Variants in CTNNA2 observed in about 807,000 individuals in gnomAD.
CTNNA2 encodes catenin alpha-2.
In CTNNA2, 42 loss-of-function variants were observed where a neutral mutation model predicts 101.0. The observed-to-expected ratio is 0.42, with a 90% CI of 0.32 to 0.54. The LOEUF (loss-of-function observed/expected upper bound fraction) is 0.54. Among genes scored for constraint, CTNNA2 ranks in the 20% least tolerant of loss-of-function variants. The pLI is 0.14. For missense variants in CTNNA2, 871 were observed against 1,223.1 expected, an observed-to-expected ratio of 0.71 and a Z score of 4.29; for synonymous variants, 450 against 456.4, an observed-to-expected ratio of 0.99 and a Z score of 0.18.
intron 6 of CTNNA2, among the ~76,000 whole-genome samples, chr2:79,898,926 G>A (rs1216724401): frequency 6.6e-6 from 1 of 152,100 alleles, no homozygotes; most frequent in Non-Finnish European, 1.5e-5. Context: ...CTGAGAACAG[G>A]GAGCAGGGCC....
chr2:79,727,216 A>T (rs1686900694), intron 2 of CTNNA2, among the ~76,000 whole-genome samples: 1 of 152,250 alleles, frequency 6.6e-6, no homozygotes, highest in Admixed American at 6.5e-5. Flanking sequence ...AATTAAGCTA[A>T]TTTAGTGGTA....
intron 11 of CTNNA2, among the ~76,000 whole-genome samples, chr2:80,552,822 A>G (rs1268451209): frequency 6.6e-6 from 1 of 152,160 alleles, no homozygotes; most frequent in East Asian, 1.9e-4. Flanking sequence ...AAAATATGAC[A>G]TAATCTTATG....
At chr2:79,442,600 C>T (rs1008412242) in intron 4 of CTNNA2, among the ~76,000 whole-genome samples, 5 of 152,030 alleles carry the variant, frequency 3.3e-5, no homozygotes, top group African/African-American at 4.8e-5. Flanking sequence ...TATCACATGC[C>T]TTGAAAAGGG....
chr2:79,310,060 T>A (rs2104398935), intron 2 of CTNNA2, among the ~76,000 whole-genome samples: 1 of 152,316 alleles, frequency 6.6e-6, no homozygotes, highest in Admixed American at 6.5e-5. Context: ...ATGTTGGTAT[T>A]TTACTTTTCA....
intron 3 of CTNNA2, among the ~76,000 whole-genome samples, chr2:79,371,785 C>G (rs967711562): frequency 6.6e-6 from 1 of 152,138 alleles, no homozygotes; most frequent in Middle Eastern, 3.4e-3. Flanking sequence ...TCTATGACAC[C>G]CTTAATGATT....
chr2:80,533,410 G>C (rs2149599727), intron 9 of CTNNA2, among the ~76,000 whole-genome samples: 1 of 152,298 alleles, frequency 6.6e-6, no homozygotes, highest in South Asian at 2.1e-4. Flanking sequence ...GCGGGCTGTA[G>C]TCACAGATCC....
intron 9 of CTNNA2, among the ~76,000 whole-genome samples, chr2:80,449,820 C>A (rs1396420634): frequency 1.3e-5 from 2 of 152,068 alleles, no homozygotes; most frequent in African/African-American, 4.8e-5. Context: ...GGTGTGTAGC[C>A]AAGTACAAGG....
chr2:79,246,762 GA>G (rs1674705837), intron 2 of CTNNA2, among the ~76,000 whole-genome samples: 2 of 152,232 alleles, frequency 1.3e-5, no homozygotes, highest in African/African-American at 4.8e-5. Context: ...AGTGAGGAAA[GA>G]AATAACAATT....
intron 7 of CTNNA2, among the ~76,000 whole-genome samples, chr2:80,179,532 C>G (rs902520385): frequency 1.3e-5 from 2 of 152,228 alleles, no homozygotes; most frequent in Non-Finnish European, 2.9e-5. Context: ...CGCCACCACA[C>G]CGGGCTAATT....
chr2:80,039,603 G>A (rs961426477), intron 7 of CTNNA2, among the ~76,000 whole-genome samples: 3 of 152,314 alleles, frequency 2.0e-5, no homozygotes, highest in East Asian at 3.9e-4. Flanking sequence ...TCCAGTGGGG[G>A]TGGTTCTAAG....
At chr2:79,907,342 C>G (rs1574282070) in intron 6 of CTNNA2, among the ~76,000 whole-genome samples, 1 of 147,882 alleles carries the variant, frequency 6.8e-6, no homozygotes, top group Non-Finnish European at 1.5e-5. Flanking sequence ...TACACACACA[C>G]ACACACACAT....
intron 1 of CTNNA2, among the ~76,000 whole-genome samples, chr2:79,529,982 C>T (rs1249400638): frequency 1.3e-5 from 2 of 151,920 alleles, no homozygotes; most frequent in Non-Finnish European, 2.9e-5. Context: ...TCTCAGGAGC[C>T]ACTGGAGCTC....
At chr2:79,805,427 C>T (rs1051808459) in intron 3 of CTNNA2, among the ~76,000 whole-genome samples, 1 of 152,160 alleles carries the variant, frequency 6.6e-6, no homozygotes, top group African/African-American at 2.4e-5. Context: ...ATGCCTGTCA[C>T]ATGAGGTCAG....
chr2:79,800,659 T>C (rs1676085227), intron 3 of CTNNA2, among the ~76,000 whole-genome samples: 1 of 152,100 alleles, frequency 6.6e-6, no homozygotes, highest in Admixed American at 6.6e-5. Context: ...AGAGAGGGGC[T>C]CCAGCTCTAG....
At position 80,563,803 on chromosome 2, in the gene CTNNA2, C is replaced by T. The variant is rs923805308; in HGVS notation, c.1741+7910C>T. Among the ~76,000 whole-genome samples, 3 of 152,170 alleles carry T rather than the reference C, an allele frequency of 2.0e-5. No homozygotes were observed. The East Asian group carries it at 5.8e-4, about 29-fold the overall frequency. On this transcript the variant is annotated intron_variant, in intron 12 of 18. Transcript: ENST00000402739. ...TCGGTGTACCTGTTACTCTTATTAT[C>T]TGTGTTACTCATTTGGAACCTACCA...
chr2:80,481,639 T>C (rs1686150550), intron 9 of CTNNA2, among the ~76,000 whole-genome samples: 1 of 151,762 alleles, frequency 6.6e-6, no homozygotes, highest in South Asian at 2.1e-4. Context: ...GACCTCAGAG[T>C]TTTTCGTCTT....
At chr2:79,695,485 A>T (rs1165799930) in intron 2 of CTNNA2, among the ~76,000 whole-genome samples, 1 of 151,980 alleles carries the variant, frequency 6.6e-6, no homozygotes, top group Non-Finnish European at 1.5e-5. Flanking sequence ...AGGAGCAGTC[A>T]TGAGTATTTA....
intron 9 of CTNNA2, among the ~76,000 whole-genome samples, chr2:80,529,925 G>A (rs1273915905): frequency 6.6e-6 from 1 of 151,992 alleles, no homozygotes. Flanking sequence ...GGCACCATGG[G>A]GCTTGGCCTG....
intron 7 of CTNNA2, among the ~76,000 whole-genome samples, chr2:80,315,073 C>T (rs188601470): frequency 1.3e-5 from 2 of 152,252 alleles, no homozygotes; most frequent in Admixed American, 6.5e-5. Flanking sequence ...AGTTAAAATG[C>T]TATTGCAATA....
Sources: allele counts gnomAD v4.1 joint callset (sites outside exome capture counted in the v4.1 genomes callset), GRCh38; gene constraint gnomAD v4.1.1; transcripts MANE v1.5; gene names NCBI Gene and HGNC (gene_info 2026-07-23, HGNC 2026-07-21).